Variants in SORCS3 observed in about 807,000 individuals in gnomAD.
The protein encoded by SORCS3 is VPS10 domain-containing receptor SorCS3.
Under a neutral mutation model 146.3 loss-of-function variants are expected in SORCS3, and 57 were observed. The ratio of observed to expected loss-of-function variants is 0.39; its 90% CI spans 0.31 to 0.49. The LOEUF (loss-of-function observed/expected upper bound fraction) is 0.49, where lower values mean the gene tolerates loss of function less well. SORCS3 is among the 20% of genes least tolerant of loss of function. The pLI is 0.92. For synonymous variants in SORCS3, 653 were observed against 618.5 expected, an observed-to-expected ratio of 1.06 and a Z score of -0.83; for missense variants, 1,341 against 1,575.5, an observed-to-expected ratio of 0.85 and a Z score of 2.52.
chr10:104,972,682 A>T (rs10884072), intron 3 of SORCS3, among the ~76,000 whole-genome samples: 75,393 of 151,726 alleles, frequency 0.5, 22,666 homozygotes, highest in African/African-American at 0.86. Context: ...TGTCCCAAGG[A>T]CAGGAGACAG....
At chr10:104,877,515 T>C (rs576454783) in intron 2 of SORCS3, among the ~76,000 whole-genome samples, 6 of 152,328 alleles carry the variant, frequency 3.9e-5, no homozygotes, top group Non-Finnish European at 8.8e-5. Flanking sequence ...CAGTAATGTA[T>C]CTTGCTGTCT....
chr10:105,255,170 C>T (rs1243530577), intron 23 of SORCS3, among the ~76,000 whole-genome samples: 1 of 120,392 alleles, frequency 8.3e-6, no homozygotes, highest in Non-Finnish European at 1.6e-5. Flanking sequence ...ACCTGGGCGA[C>T]AGCGAGACTC....
intron 11 of SORCS3, among the ~76,000 whole-genome samples, chr10:105,159,684 C>G (rs962799944): frequency 6.6e-6 from 1 of 152,178 alleles, no homozygotes; most frequent in African/African-American, 2.4e-5. Flanking sequence ...GTTAGAGCTC[C>G]GGTGTTGGTC....
At chr10:105,031,883 AG>A (rs1207920125) in intron 4 of SORCS3, among the ~76,000 whole-genome samples, 1 of 152,144 alleles carries the variant, frequency 6.6e-6, no homozygotes, top group East Asian at 1.9e-4. Context: ...TCAACAATTC[AG>A]GTTGTTTCCT....
At chr10:105,254,311 C>A (rs893792889) in intron 23 of SORCS3, among the ~76,000 whole-genome samples, 2 of 152,134 alleles carry the variant, frequency 1.3e-5, no homozygotes, top group Admixed American at 6.5e-5. Context: ...GGTTGAACTT[C>A]TTTCATTGGA....
chr10:104,734,087 T>C (rs531043237), intron 1 of SORCS3, among the ~76,000 whole-genome samples: 112 of 152,316 alleles, frequency 7.4e-4, no homozygotes, highest in South Asian at 2.3e-3. Flanking sequence ...TCTCTGTGTG[T>C]GTGAGTAGAT....
chr10:105,183,417 A>G (rs911417728), intron 14 of SORCS3, among the ~76,000 whole-genome samples: 1 of 152,148 alleles, frequency 6.6e-6, no homozygotes, highest in African/African-American at 2.4e-5. Flanking sequence ...CTGTGACCAC[A>G]TGCCTAGCAG....
chr10:104,739,005 G>A (rs2016810639), intron 1 of SORCS3, among the ~76,000 whole-genome samples: 1 of 152,174 alleles, frequency 6.6e-6, no homozygotes, highest in African/African-American at 2.4e-5. Context: ...TGGTCTCTTT[G>A]AGGCATTTGT....
Position 104,641,621 on chromosome 10 carries a change from C to A in SORCS3, c.294C>A (p.Gly98=). The change falls in exon 1 of 27, where the codon GGC becomes GGA. Residue 98 remains glycine (G), a synonymous_variant. Transcript: ENST00000369701. The surrounding 1 kb of genome is among the most constrained non-coding windows in gnomAD (Gnocchi z 6.4). The part of the protein sequence containing the change: ...ELLPQQGGGR[G]GEMQVEAGGT... ...TGCCCCAGCAGGGCGGCGGCAGAGG[C>A]GGTGAGATGCAGGTGGAAGCCGGAG... The A allele has an allele frequency of 6.6e-7, 1 of 1,520,858 alleles. No homozygotes were observed. The highest frequency in any genetic ancestry group is 8.8e-7 in the Non-Finnish European group (1 of 1,140,614). 94.2% of individuals were successfully genotyped at this position (1,520,858 alleles called of 1,614,324 possible).
At chr10:105,261,997 T>A (rs192396201) in intron 25 of SORCS3, among the ~76,000 whole-genome samples, 6 of 152,374 alleles carry the variant, frequency 3.9e-5, no homozygotes, top group Admixed American at 3.9e-4. Context: ...TTTCAAAGTC[T>A]AGCTCCTTTA....
At chr10:105,164,021 T>C (rs573220446) in intron 11 of SORCS3, among the ~76,000 whole-genome samples, 1 of 152,256 alleles carries the variant, frequency 6.6e-6, no homozygotes, top group African/African-American at 2.4e-5. Flanking sequence ...ATGTGAGAGA[T>C]TATTGGTATA....
chr10:105,210,843 T>C (rs1302402017), intron 16 of SORCS3, among the ~76,000 whole-genome samples: 1 of 152,098 alleles, frequency 6.6e-6, no homozygotes, highest in Non-Finnish European at 1.5e-5. Context: ...CCGCATTTAC[T>C]CCCAAGCCAA....
intron 1 of SORCS3, among the ~76,000 whole-genome samples, chr10:104,668,495 C>T (rs1460089321): frequency 6.6e-6 from 1 of 152,162 alleles, no homozygotes; most frequent in African/African-American, 2.4e-5. Flanking sequence ...GTATTCCCTA[C>T]ATTTAAATGT....
In SORCS3 at chr10:104,753,897, C is replaced by T. The variant is rs543749192; in HGVS notation, c.628-88895C>T. Among the ~76,000 whole-genome samples, 3 of 152,250 alleles carry T rather than the reference C, an allele frequency of 2.0e-5. No individual in the cohort carries two copies. The East Asian group carries it at 5.8e-4, about 29-fold the overall frequency. The stretch of plus-strand genomic sequence containing the variant: ...ATTATGCTGACCATATTTTCAGAAG[C>T]CTCAAATGTACTATTTATTTTCCTA... On this transcript the variant is annotated intron_variant, in intron 1 of 26. Transcript: ENST00000369701.
intron 2 of SORCS3, among the ~76,000 whole-genome samples, chr10:104,849,065 T>C (rs2018239700): frequency 1.3e-5 from 2 of 152,182 alleles, no homozygotes; most frequent in South Asian, 2.1e-4. Flanking sequence ...TATTTTGTTT[T>C]GCTATTTAAT....
intron 1 of SORCS3, among the ~76,000 whole-genome samples, chr10:104,811,243 G>A (rs527339749): frequency 6.6e-6 from 1 of 152,320 alleles, no homozygotes; most frequent in South Asian, 2.1e-4. Context: ...CTGAGTGCCT[G>A]TTCTCAAAGA....
chr10:105,143,404 C>G (rs2056108850), intron 8 of SORCS3, among the ~76,000 whole-genome samples: 1 of 152,130 alleles, frequency 6.6e-6, no homozygotes, highest in Admixed American at 6.6e-5. Flanking sequence ...CAGCCCATAT[C>G]TCTCCATTGA....
intron 7 of SORCS3, among the ~76,000 whole-genome samples, chr10:105,124,184 A>T (rs566986307): frequency 6.6e-6 from 1 of 152,312 alleles, no homozygotes; most frequent in South Asian, 2.1e-4. Flanking sequence ...TGGCACAGAG[A>T]ATAGCTCCAC....
At chr10:104,841,037 A>C (rs1033982050) in intron 1 of SORCS3, among the ~76,000 whole-genome samples, 1 of 152,088 alleles carries the variant, frequency 6.6e-6, no homozygotes, top group Non-Finnish European at 1.5e-5. Context: ...GAAGAACAGA[A>C]GAACTTTGAG....
Sources: gnomAD v4.1 joint callset for allele counts (sites outside exome capture counted in the v4.1 genomes callset) on GRCh38, gnomAD v4.1.1 for gene constraint, Gnocchi (gnomAD v3.1) non-coding constraint, MANE v1.5 for transcripts, NCBI Gene and HGNC (gene_info 2026-07-23, HGNC 2026-07-21) for gene names.